The following LIG1 variants were observed in gnomAD, a reference collection of about 807,000 sequenced individuals.
LIG1 encodes the protein DNA ligase 1, also known as ligase I, DNA, ATP-dependent.
In LIG1, 70 loss-of-function variants were observed where a neutral mutation model predicts 115.7. The ratio of observed to expected loss-of-function variants is 0.60; its 90% CI spans 0.50 to 0.74. LIG1 has a LOEUF of 0.74. Among genes scored for constraint, LIG1 ranks in the 30% least tolerant of loss-of-function variants. LIG1 has a pLI of 0.00. For synonymous variants in LIG1, 487 were observed against 495.3 expected, an observed-to-expected ratio of 0.98 and a Z score of 0.22; for missense variants, 1,115 against 1,225.6, an observed-to-expected ratio of 0.91 and a Z score of 1.35.
intron 9 of LIG1, chr19:48,147,226 G>A (rs1157417012): frequency 6.6e-6 from 1 of 152,162 alleles, no homozygotes; most frequent in Non-Finnish European, 1.5e-5. Context: ...CTGAACAGCA[G>A]GGATTATTCC....
At chr19:48,135,891 G>GCGGGCCCC in intron 15 of LIG1, 112 bp from the exon 16 acceptor site, 2 of 928,668 alleles carry the variant, frequency 2.2e-6, no homozygotes, top group Non-Finnish European at 1.7e-6. Context: ...GGCCCAAGAC[G>GCGGGCCCC]CCCCCTCCCC....
At position 48,151,161 on chromosome 19, in the gene LIG1, T is replaced by G. The variant is rs959794354; in HGVS notation, c.574+71A>C. 7 of 856,984 alleles carry G rather than the reference T, an allele frequency of 8.2e-6. No homozygotes were observed. In the Admixed American group the frequency reaches 1.1e-4, roughly 13 times the overall value. 53.1% of individuals were successfully genotyped at this position (856,984 alleles called of 1,614,324 possible). A position where few individuals can be genotyped will look rare whatever the true frequency, so the allele number is the denominator to read the frequency against. On this transcript the variant is annotated intron_variant, in intron 7 of 27. Coordinates refer to ENST00000263274, the MANE Select transcript of LIG1 (RefSeq NM_000234.3). The stretch of plus-strand genomic sequence containing the variant: ...AGAATCTATGCCTTGTTTAAATTAA[T>G]CATCCTCCAAAGACTTCTGACCCCA...
intron 26 of LIG1, 65 bp downstream of exon 26, chr19:48,117,573 C>T: frequency 6.4e-7 from 1 of 1,566,606 alleles, no homozygotes; most frequent in African/African-American, 1.3e-5. Context: ...CCCCTCCCTA[C>T]TCTGCTCTCT....
intron 20 of LIG1, chr19:48,127,561 T>C (rs2122477436): frequency 1.3e-5 from 8 of 614,354 alleles, no homozygotes; most frequent in Non-Finnish European, 2.3e-5. Context: ...AGATATTTGC[T>C]CTCCTAGACT....
At position 48,157,095 on chromosome 19, in the gene LIG1, T is replaced by C; in HGVS notation, c.289A>G (p.Thr97Ala). Residue 97 changes from threonine (T) to alanine (A), a missense_variant, in exon 5 of 28, where the codon ACA (threonine) becomes GCA (alanine). Transcript: ENST00000263274. Reference protein sequence around the residue: ...CSQVSPPRPATSPENNASLSD... With the variant: ...CSQVSPPRPAASPENNASLSD... Reference sequence around the variant, plus strand: ...AGGGAAGCATTGTTCTCAGGAGATGTGGCAGGACGGGGCGGGGAGACCTGT... The same window carrying C: ...AGGGAAGCATTGTTCTCAGGAGATGCGGCAGGACGGGGCGGGGAGACCTGT... The C allele has an allele frequency of 1.2e-6, 2 of 1,613,582 alleles. No homozygotes were observed. The highest frequency in any genetic ancestry group is 1.3e-5 in the African/African-American group (1 of 74,942).
chr19:48,116,184 C>T lies in LIG1; in HGVS notation c.2584-219G>A. The T allele has an allele frequency of 3.1e-5, 17 of 547,694 alleles. No individual in the cohort carries two copies. The South Asian group carries it at 3.2e-4, about 10-fold the overall frequency. The allele number at this position is 547,694 out of a possible 1,614,324, so 33.9% of individuals were successfully genotyped here. A position where few individuals can be genotyped will look rare whatever the true frequency, so the allele number is the denominator to read the frequency against. ...GTTGGCCGGGTGCGGTGGCTCACCC[C>T]TGTAATCCCAGCACTTTGGGAGGCC... is the stretch of plus-strand genomic sequence containing the variant. On this transcript the variant is annotated intron_variant, in intron 26 of 27. Coordinates refer to ENST00000263274, the MANE Select transcript of LIG1 (RefSeq NM_000234.3).
At chr19:48,115,777 G>T in intron 27 of LIG1, 45 bp from the exon 28 acceptor site, 2 of 1,580,770 alleles carry the variant, frequency 1.3e-6, no homozygotes, top group Non-Finnish European at 8.7e-7. Context: ...CTCCCTGGCT[G>T]CTCCCACCTC....
intron 5 of LIG1, among the ~76,000 whole-genome samples, chr19:48,155,676 T>C (rs937434802): frequency 2.0e-5 from 3 of 152,178 alleles, no homozygotes; most frequent in Admixed American, 1.3e-4. Flanking sequence ...GAAGAGTCTA[T>C]TTTGCTCAAT....
In LIG1 at chr19:48,162,301, T is replaced by G; in HGVS notation, c.68A>C (p.Glu23Ala). The change falls in exon 3 of 28, where the codon GAG becomes GCG. Residue 23 changes from glutamate (E) to alanine (A), a missense_variant. Transcript: ENST00000263274. Reference sequence around the variant, plus strand: ...CGTCTCTCTGCTGCTATTGGATGCCTCCTTCTCAGGCTTCTTTGCTTTACC... The same window carrying G: ...CGTCTCTCTGCTGCTATTGGATGCCGCCTTCTCAGGCTTCTTTGCTTTACC... ...KEGKAKKPEKEASNSSRETEP... is the reference protein window; with the variant it reads ...KEGKAKKPEKAASNSSRETEP... The G allele has an allele frequency of 6.2e-7, 1 of 1,613,974 alleles. No homozygotes were observed. Among genetic ancestry groups the G allele is most frequent in the East Asian group, 2.2e-5 (1 of 44,880 alleles).
At chr19:48,146,930 A>T (rs1319613156) in intron 9 of LIG1, among the ~76,000 whole-genome samples, 2 of 152,152 alleles carry the variant, frequency 1.3e-5, no homozygotes, top group Non-Finnish European at 2.9e-5. Flanking sequence ...TCTCTGGGCT[A>T]ATCATGTCAA....
chr19:48,137,661 T>A lies in LIG1; in HGVS notation c.1115A>T (p.Glu372Val). ...CCCCACGTCGCCTTTCTCGGCTGCC[T>A]CAGCCCGGACGGACTCCAGCTGCCG... ...TGRQLESVRA[E>V]AAEKGDVGLV... The change falls in exon 13 of 28, where the codon GAG becomes GTG. Residue 372 changes from glutamate to valine, a missense_variant. Physicochemically the swap from Glu to Val is moderately radical, Grantham distance 121. Transcript: ENST00000263274. This position sits in a 1 kb window ranked among gnomAD's most constrained non-coding sequence, Gnocchi z 4.3. 6.2e-7 allele frequency: 1 copy of A among 1,606,736 alleles called. No individual in the cohort carries two copies. Among genetic ancestry groups the A allele is most frequent in the South Asian group, 1.1e-5 (1 of 91,052 alleles).
At chr19:48,154,902 T>C in intron 5 of LIG1, among the ~76,000 whole-genome samples, 1 of 152,190 alleles carries the variant, frequency 6.6e-6, no homozygotes, top group Non-Finnish European at 1.5e-5. Context: ...ACCCCGATCC[T>C]ACCTAATCTC....
intron 5 of LIG1, 31 bp from the exon 6 acceptor site, chr19:48,153,998 C>T: frequency 6.3e-7 from 1 of 1,588,474 alleles, no homozygotes; most frequent in Non-Finnish European, 8.6e-7. Flanking sequence ...GTGTATCTGA[C>T]CTCGCTGGCT....
Position 48,137,411 on chromosome 19 carries a change from A to G in LIG1, c.1254+111T>C. 1.5e-6 allele frequency: 2 copies of G among 1,372,712 alleles called. No homozygotes were observed. Among genetic ancestry groups the G allele is most frequent in the South Asian group, 2.5e-5 (2 of 81,046 alleles). The allele number at this position is 1,372,712 out of a possible 1,614,324, so 85.0% of individuals were successfully genotyped here. On this transcript the variant is annotated intron_variant, in intron 13 of 27. Transcript: ENST00000263274. The surrounding 1 kb of genome is among the most constrained non-coding windows in gnomAD (Gnocchi z 4.3). ...GAGAGGAAGCTGTGCACCCCATGAG[A>G]AGGACTGATGCGACCCAGCTGATGG...
At chr19:48,136,289 T>G (rs1159904960) in intron 14 of LIG1, among the ~76,000 whole-genome samples, 164 bp from the exon 15 acceptor site, 2 of 152,194 alleles carry the variant, frequency 1.3e-5, no homozygotes, top group African/African-American at 4.8e-5. Context: ...CAGCCCCATG[T>G]GACAGATGAG....
chr19:48,127,609 G>T (rs1599758308), intron 20 of LIG1: 1 of 607,806 alleles, frequency 1.6e-6, no homozygotes, highest in East Asian at 2.8e-5. Context: ...CACAGTTCTG[G>T]CCAATGAGAT....
rs1297419985 is a variant in LIG1 at position 48,165,620 on chromosome 19, G to C, written c.-54C>G. The C allele has an allele frequency of 1.9e-6, 3 of 1,612,968 alleles. No individual in the cohort carries two copies. The African/African-American group carries it at 4.0e-5, about 22-fold the overall frequency. Reference sequence around the variant, plus strand: ...CAGCACTTTTCTTCGTCTGTCAGCTGCTCCTGGAACAGAAATCCAAACACT... The same window carrying C: ...CAGCACTTTTCTTCGTCTGTCAGCTCCTCCTGGAACAGAAATCCAAACACT... On this transcript the variant is annotated 5_prime_UTR_variant, in exon 2 of 28. Transcript: ENST00000263274.
chr19:48,133,368 C>A (rs2034168210), intron 17 of LIG1: 2 of 485,994 alleles, frequency 4.1e-6, no homozygotes, highest in African/African-American at 2.0e-5. Flanking sequence ...GTTGCCTCCC[C>A]TCCCTCCTCT....
chr19:48,169,115 C>T (rs1026733363), intron 1 of LIG1, among the ~76,000 whole-genome samples: 2 of 152,040 alleles, frequency 1.3e-5, no homozygotes, highest in Non-Finnish European at 2.9e-5. Context: ...AGGTAACATC[C>T]TAATAATATA....
Sources: gnomAD v4.1 joint callset for allele counts (sites outside exome capture counted in the v4.1 genomes callset) on GRCh38, gnomAD v4.1.1 for gene constraint, Gnocchi (gnomAD v3.1) non-coding constraint, MANE v1.5 for transcripts, NCBI Gene and HGNC (gene_info 2026-07-23, HGNC 2026-07-21) for gene names.